The following DEFA4 variants were observed in gnomAD, a reference collection of about 807,000 sequenced individuals.
The protein encoded by DEFA4 is corticostatin.
DEFA4 carries 8 observed loss-of-function variants against 4.4 expected under a neutral mutation model. The ratio of observed to expected loss-of-function variants is 1.82; its 90% CI spans 1.07 to 3.29. The LOEUF is 3.29. Among genes scored for constraint, DEFA4 ranks in the 30% most tolerant of loss-of-function variants. The pLI is 0.00. For synonymous variants in DEFA4, 77 were observed against 46.5 expected (o/e 1.66, Z -2.67); for missense variants, 216 against 127.0 (o/e 1.70, Z -3.37).
rs548472770 is a variant in DEFA4, at chr8:6,935,910, A to T, written c.*110T>A. 33 of 1,508,910 alleles carry T rather than the reference A, an allele frequency of 2.2e-5. No individual in the cohort carries two copies. In the African/African-American group the frequency reaches 4.1e-4, roughly 19 times the overall value. The allele number at this position is 1,508,910 out of a possible 1,614,324, so 93.5% of individuals were successfully genotyped here. A position where few individuals can be genotyped will look rare whatever the true frequency, so the allele number is the denominator to read the frequency against. On this transcript the variant is annotated 3_prime_UTR_variant, in exon 3 of 3. Transcript: ENST00000297435. ...ACCATTTCCTGTAGCTCTCAAAGCA[A>T]ATTATGAGCTCATTTTTCTCTATTC...
At position 6,936,854 on chromosome 8, in the gene DEFA4, G is replaced by T. The variant is rs1290363407; in HGVS notation, c.46C>A (p.Gln16Lys). 1.9e-6 allele frequency: 3 copies of T among 1,612,594 alleles called. No homozygotes were observed. Among genetic ancestry groups the T allele is most frequent in the Non-Finnish European group, 2.5e-6 (3 of 1,179,382 alleles). ...LLAAILLVAL[Q>K]VRAGPLQARG... ...GCCTGGAGTGGGCCTGCCCGGACCT[G>T]GAGGGCTACCAAGAGAATAGCAGCG... The change falls in exon 2 of 3, where the codon CAG (glutamine) becomes AAG (lysine). Residue 16 changes from glutamine (Q) to lysine (K), a missense_variant. By Grantham distance (53) the Gln-to-Lys change is moderately conservative. Transcript: ENST00000297435.
At chr8:6,936,571 G>T (rs987482284) in intron 2 of DEFA4, among the ~76,000 whole-genome samples, 157 bp downstream of exon 2, 1 of 152,118 alleles carries the variant, frequency 6.6e-6, no homozygotes, top group Non-Finnish European at 1.5e-5. Context: ...ACTTACATTT[G>T]TTTGTCTCTC....
chr8:6,936,906 G>C lies in DEFA4; in HGVS notation c.-7C>G. On this transcript the variant is annotated 5_prime_UTR_variant, in exon 2 of 3. Transcript: ENST00000297435. ...GGAGGGCGATAATCCTCATGGCTGGGGTGACCTGGAGGAGGGAGAGCAGGA... is the reference window on the plus strand; with the variant it reads ...GGAGGGCGATAATCCTCATGGCTGGCGTGACCTGGAGGAGGGAGAGCAGGA... The C allele has an allele frequency of 2.5e-6, 4 of 1,589,430 alleles. No individual in the cohort carries two copies. Among genetic ancestry groups the C allele is most frequent in the East Asian group, 4.5e-5 (2 of 44,166 alleles).
chr8:6,937,032 G>T, intron 1 of DEFA4, 121 bp from the exon 2 acceptor site: 1 of 850,042 alleles, frequency 1.2e-6, no homozygotes, highest in Non-Finnish European at 1.7e-6. Flanking sequence ...GAGGAGGTGT[G>T]CATTTTGTTA....
At chr8:6,937,590 T>A (rs1055187376) in intron 1 of DEFA4, among the ~76,000 whole-genome samples, 14 of 152,108 alleles carry the variant, frequency 9.2e-5, no homozygotes, top group Admixed American at 3.9e-4. Flanking sequence ...CAGCTCAACA[T>A]GGATTGAAGA....
At chr8:6,937,426 T>A (rs1808902993) in intron 1 of DEFA4, among the ~76,000 whole-genome samples, 2 of 151,872 alleles carry the variant, frequency 1.3e-5, no homozygotes, top group Non-Finnish European at 2.9e-5. Context: ...GGTAATGGGG[T>A]GAGTAGTCTC....
chr8:6,936,229 G>T, intron 2 of DEFA4, 88 bp from the exon 3 acceptor site: 1 of 1,553,376 alleles, frequency 6.4e-7, no homozygotes, highest in South Asian at 1.2e-5. Flanking sequence ...CATGCTGGCT[G>T]ACCGGTGATG....
At position 6,936,812 on chromosome 8, in the gene DEFA4, G is replaced by A. The variant is rs757891881; in HGVS notation, c.88C>T (p.Pro30Ser). 2.2e-5 allele frequency: 35 copies of A among 1,613,612 alleles called. No homozygotes were observed. Among genetic ancestry groups the A allele is most frequent in the Non-Finnish European group, 2.9e-5 (34 of 1,179,876 alleles). Residue 30 changes from proline to serine, a missense_variant, in exon 2 of 3, where the codon CCA (proline) becomes TCA (serine). Physicochemically the swap from Pro to Ser is moderately conservative, Grantham distance 74. Transcript: ENST00000297435. ...TCTGGCCCACGCTGCTCCTGGCCTG[G>A]AGCCTCATCACCTCTTGCCTGGAGT... The part of the protein sequence containing the change: ...GPLQARGDEA[P>S]GQEQRGPEDQ...
chr8:6,936,728 C>T lies in DEFA4; in HGVS notation c.172G>A (p.Gly58Ser), dbSNP rs921020433. 2 of 1,593,092 alleles carry T rather than the reference C, an allele frequency of 1.3e-6. No individual in the cohort carries two copies. Among genetic ancestry groups the T allele is most frequent in the Non-Finnish European group, 1.7e-6 (2 of 1,166,906 alleles). ...GCTTTTTTATGCTGGCCTCTCTCAC[C>T]TGAAACCTGAAGAGCAGAGCTTTTA... ...WDKSSALQVS[G>S]STRGMVCSCR... Residue 58 changes from glycine to serine, a missense_variant and splice_region_variant, in exon 2 of 3, where the codon GGC becomes AGC. By Grantham distance (56) the Gly-to-Ser change is moderately conservative (BLOSUM62 0). Coordinates refer to ENST00000297435, the MANE Select transcript of DEFA4 (RefSeq NM_001925.3).
intron 1 of DEFA4, among the ~76,000 whole-genome samples, chr8:6,937,285 T>C (rs1808897027): frequency 6.6e-6 from 1 of 152,194 alleles, no homozygotes. Context: ...CAAATGCCTC[T>C]TATTTCCTGA....
intron 1 of DEFA4, among the ~76,000 whole-genome samples, chr8:6,937,991 T>C (rs1808933740): frequency 6.6e-6 from 1 of 152,166 alleles, no homozygotes; most frequent in South Asian, 2.1e-4. Flanking sequence ...GTGATCGTCT[T>C]TATTGGACAT....
chr8:6,936,188 G>T (rs781058831), intron 2 of DEFA4, 47 bp from the exon 3 acceptor site: 1 of 1,607,366 alleles, frequency 6.2e-7, no homozygotes, highest in Non-Finnish European at 8.5e-7. Flanking sequence ...AAGGTCAGCG[G>T]TGGGTGGTAA....
rs1056898329 is a variant in DEFA4 at position 6,935,835 on chromosome 8, T to C, written c.*185A>G. ...TAAACAAAGACATCTTGTTACGAGA[T>C]ATATATTTAGGATCAAGAAAGATGT... On this transcript the variant is annotated 3_prime_UTR_variant, in exon 3 of 3. Transcript: ENST00000297435. 5.6e-6 allele frequency: 4 copies of C among 715,652 alleles called. No individual in the cohort carries two copies. The highest frequency in any genetic ancestry group is 1.9e-5 in the South Asian group (1 of 52,496). 44.3% of individuals were successfully genotyped at this position (715,652 alleles called of 1,614,324 possible). A position where few individuals can be genotyped will look rare whatever the true frequency, so the allele number is the denominator to read the frequency against.
rs775987941 is a variant in DEFA4, at chr8:6,936,043, A to G, written c.271T>C (p.Tyr91His). 4.3e-6 allele frequency: 7 copies of G among 1,613,808 alleles called. No individual in the cohort carries two copies. The highest frequency in any genetic ancestry group is 1.7e-5 in the Admixed American group (1 of 59,998). Residue 91 changes from tyrosine to histidine, a missense_variant, in exon 3 of 3, where the codon TAC (tyrosine) becomes CAC (histidine). Tyr to His is a moderately conservative substitution (Grantham distance 83). Transcript: ENST00000297435. ...NCLIGGVSFT[Y>H]CCTRVD ...CGTTAATCGACACGCGTGCAGCAGT[A>G]TGTGAAACTCACACCACCAATGAGG... is the stretch of plus-strand genomic sequence containing the variant.
intron 1 of DEFA4, among the ~76,000 whole-genome samples, chr8:6,937,368 C>G (rs1808900261): frequency 6.6e-6 from 1 of 152,074 alleles, no homozygotes; most frequent in Admixed American, 6.5e-5. Flanking sequence ...TAGAGAGTAA[C>G]TCATTGCAGG....
Position 6,936,031 on chromosome 8 carries a change from G to C in DEFA4, c.283C>G (p.Arg95Gly). Residue 95 changes from arginine to glycine, a missense_variant, in exon 3 of 3, where the codon CGT becomes GGT. Arg to Gly is a moderately radical substitution (Grantham distance 125). Transcript: ENST00000297435. Reference protein sequence around the residue: ...GGVSFTYCCTRVD With the variant: ...GGVSFTYCCTGVD ...TGGACAGCAGAACGTTAATCGACAC[G>C]CGTGCAGCAGTATGTGAAACTCACA... is the stretch of plus-strand genomic sequence containing the variant. 6.2e-7 allele frequency: 1 copy of C among 1,613,840 alleles called. No homozygotes were observed. The highest frequency in any genetic ancestry group is 8.5e-7 in the Non-Finnish European group (1 of 1,179,886).
At chr8:6,937,470 T>C (rs985335117) in intron 1 of DEFA4, among the ~76,000 whole-genome samples, 1 of 152,012 alleles carries the variant, frequency 6.6e-6, no homozygotes, top group African/African-American at 2.4e-5. Flanking sequence ...ACAATGACCT[T>C]ATCAGGGTAC....
chr8:6,936,878 C>A lies in DEFA4; in HGVS notation c.22G>T (p.Ala8Ser), dbSNP rs28661751. 54 of 1,608,022 alleles carry A rather than the reference C, an allele frequency of 3.4e-5. No individual in the cohort carries two copies. Among genetic ancestry groups the A allele is most frequent in the Non-Finnish European group, 4.3e-5 (51 of 1,176,790 alleles). Reference protein sequence around the residue: MRIIALLAAILLVALQVR... With the variant: MRIIALLSAILLVALQVR... The stretch of plus-strand genomic sequence containing the variant: ...TGGAGGGCTACCAAGAGAATAGCAG[C>A]GAGGAGGGCGATAATCCTCATGGCT... The change falls in exon 2 of 3, where the codon GCT becomes TCT. Residue 8 changes from alanine to serine, a missense_variant. Transcript: ENST00000297435.
At chr8:6,937,279 T>A (rs137963973) in intron 1 of DEFA4, among the ~76,000 whole-genome samples, 57 of 152,268 alleles carry the variant, frequency 3.7e-4, no homozygotes, top group African/African-American at 1.3e-3. Context: ...AGAGAGCAAA[T>A]GCCTCTTATT....
Sources: allele counts gnomAD v4.1 joint callset (sites outside exome capture counted in the v4.1 genomes callset), GRCh38; gene constraint gnomAD v4.1.1; transcripts MANE v1.5; gene names NCBI Gene and HGNC (gene_info 2026-07-23, HGNC 2026-07-21).